The following MYO1D variants were observed in gnomAD, a reference collection of about 807,000 sequenced individuals.
MYO1D encodes the protein myosin ID.
In MYO1D, 83 loss-of-function variants were observed where a neutral mutation model predicts 122.0. The ratio of observed to expected loss-of-function variants is 0.68; its 90% CI spans 0.57 to 0.82. MYO1D has a LOEUF of 0.82. Ranked by LOEUF, MYO1D falls within the 40% of genes least tolerant of loss-of-function variation. The pLI is 0.00. For synonymous variants in MYO1D, 464 were observed against 446.9 expected, an observed-to-expected ratio of 1.04 and a Z score of -0.48; for missense variants, 1,157 against 1,269.5, an observed-to-expected ratio of 0.91 and a Z score of 1.35.
At chr17:32,714,984 C>A (rs749728632) in intron 15 of MYO1D, among the ~76,000 whole-genome samples, 21 of 151,764 alleles carry the variant, frequency 1.4e-4, no homozygotes, top group Non-Finnish European at 2.5e-4. Flanking sequence ...AATCAAACAA[C>A]CCCATTAAAA....
intron 1 of MYO1D, among the ~76,000 whole-genome samples, chr17:32,851,826 G>A (rs370294481): frequency 2.4e-4 from 37 of 152,244 alleles, no homozygotes; most frequent in African/African-American, 8.7e-4. Flanking sequence ...TCTGTCAGGA[G>A]GTGGAGCTCA....
Position 32,769,193 on chromosome 17 carries a change from C to T in MYO1D, c.715-1441G>A, listed in dbSNP as rs562520474. On this transcript the variant is annotated intron_variant, in intron 6 of 21. Coordinates refer to ENST00000318217, the MANE Select transcript of MYO1D (RefSeq NM_015194.3). ...GAGGAGGGTTCTTGGGGAGGTTTCC[C>T]TAGCTTATAAAGGACATATGCCATG... Among the ~76,000 whole-genome samples the T allele has an allele frequency of 6.6e-5, 10 of 151,738 alleles. No individual in the cohort carries two copies. In the South Asian group the frequency reaches 2.1e-3, roughly 31 times the overall value.
chr17:32,738,529 C>T (rs1442352552), intron 13 of MYO1D, 144 bp from the exon 14 acceptor site: 3 of 847,390 alleles, frequency 3.5e-6, no homozygotes, highest in Non-Finnish European at 5.0e-6. Flanking sequence ...ATGATGATTC[C>T]ATCCAGAAAA....
intron 16 of MYO1D, among the ~76,000 whole-genome samples, chr17:32,701,039 C>G (rs1436717606): frequency 1.3e-5 from 2 of 150,204 alleles, no homozygotes; most frequent in African/African-American, 4.9e-5. Flanking sequence ...TTAACTAAAG[C>G]TGATAAAGAA....
intron 3 of MYO1D, among the ~76,000 whole-genome samples, chr17:32,776,969 G>A (rs1156953764): frequency 6.6e-6 from 1 of 152,084 alleles, no homozygotes; most frequent in Non-Finnish European, 1.5e-5. Context: ...CGCTAATACT[G>A]GAGAGTTCAA....
At chr17:32,678,254 C>CT (rs67248492) in intron 16 of MYO1D, among the ~76,000 whole-genome samples, 94,480 of 149,118 alleles carry the variant, frequency 0.63, 30,459 homozygotes, top group Middle Eastern at 0.75. Flanking sequence ...AAATATATTT[C>CT]TTTTTTTTTT....
chr17:32,617,680 AT>A (rs2087791607), intron 20 of MYO1D, among the ~76,000 whole-genome samples: 1 of 152,150 alleles, frequency 6.6e-6, no homozygotes, highest in South Asian at 2.1e-4. Flanking sequence ...GCCTCAGGTG[AT>A]CCACCCGCTT....
In MYO1D at chr17:32,819,649, A is replaced by G. The variant is rs373258631; in HGVS notation, c.96-38865T>C. Among the ~76,000 whole-genome samples, 185 of 152,188 alleles carry G rather than the reference A, an allele frequency of 1.2e-3. 2 individuals carry two copies. Among genetic ancestry groups the G allele is most frequent in the African/African-American group, 4.1e-3 (172 of 41,518 alleles). ...AAAAACCACTGTTCTATCTCATGAC[A>G]CTCTACCTTTAGTTTCTACTAGTAA... On this transcript the variant is annotated intron_variant, in intron 1 of 21. Coordinates refer to ENST00000318217, the MANE Select transcript of MYO1D (RefSeq NM_015194.3).
At chr17:32,821,541 TACAC>T (rs34745639) in intron 1 of MYO1D, among the ~76,000 whole-genome samples, 11 of 131,090 alleles carry the variant, frequency 8.4e-5, no homozygotes, top group Admixed American at 4.7e-4. Context: ...AAATCACACA[TACAC>T]ACACACACAC....
At chr17:32,628,513 GA>G (rs1410925222) in intron 20 of MYO1D, among the ~76,000 whole-genome samples, 1 of 152,126 alleles carries the variant, frequency 6.6e-6, no homozygotes, top group African/African-American at 2.4e-5. Flanking sequence ...GGAAGAGGGG[GA>G]AAAAGTGCCA....
intron 21 of MYO1D, among the ~76,000 whole-genome samples, chr17:32,580,485 C>T (rs1169698157): frequency 6.8e-6 from 1 of 147,724 alleles, no homozygotes; most frequent in Non-Finnish European, 1.5e-5. Context: ...TCTCAGCTCA[C>T]TGCAACCTCT....
At chr17:32,751,143 T>G (rs921777386) in intron 11 of MYO1D, among the ~76,000 whole-genome samples, 1 of 151,970 alleles carries the variant, frequency 6.6e-6, no homozygotes, top group Non-Finnish European at 1.5e-5. Flanking sequence ...AAATAATAAT[T>G]TTATGCTTTA....
At chr17:32,860,923 A>G (rs1321053421) in intron 1 of MYO1D, among the ~76,000 whole-genome samples, 1 of 152,168 alleles carries the variant, frequency 6.6e-6, no homozygotes, top group Non-Finnish European at 1.5e-5. Flanking sequence ...AGAAAAGTAA[A>G]TCCCCTCAAA....
At chr17:32,714,797 G>T (rs1222090668) in intron 15 of MYO1D, among the ~76,000 whole-genome samples, 2 of 151,996 alleles carry the variant, frequency 1.3e-5, no homozygotes, top group African/African-American at 2.4e-5. Context: ...AAAAGTAATT[G>T]CAAAAAAAGC....
chr17:32,696,207 C>T (rs1694563489), intron 16 of MYO1D, among the ~76,000 whole-genome samples: 1 of 151,184 alleles, frequency 6.6e-6, no homozygotes, highest in African/African-American at 2.4e-5. Context: ...AGAATATGTA[C>T]AAAAATGTTC....
chr17:32,615,488 G>GGA (rs559760607), intron 20 of MYO1D, among the ~76,000 whole-genome samples: 1 of 152,160 alleles, frequency 6.6e-6, no homozygotes, highest in Non-Finnish European at 1.5e-5. Flanking sequence ...AAATGTGAGA[G>GGA]GAGAGAGAGG....
intron 19 of MYO1D, among the ~76,000 whole-genome samples, chr17:32,648,254 G>A (rs963292679): frequency 2.6e-5 from 4 of 151,950 alleles, no homozygotes; most frequent in Admixed American, 1.3e-4. Flanking sequence ...CCTCTATCAC[G>A]TTGAGTTGAC....
At chr17:32,552,600 T>C (rs533776940) in intron 21 of MYO1D, among the ~76,000 whole-genome samples, 122 of 152,296 alleles carry the variant, frequency 8.0e-4, no homozygotes, top group African/African-American at 2.9e-3. Context: ...TTTGCTTCTG[T>C]AAATGTATAC....
intron 16 of MYO1D, among the ~76,000 whole-genome samples, chr17:32,669,409 G>C (rs1180626551): frequency 2.0e-5 from 3 of 152,108 alleles, no homozygotes; most frequent in Admixed American, 6.5e-5. Context: ...ACTGGCCCTA[G>C]AATCCCAGAT....
Sources: gnomAD v4.1 joint callset for allele counts (sites outside exome capture counted in the v4.1 genomes callset) on GRCh38, gnomAD v4.1.1 for gene constraint, MANE v1.5 for transcripts, NCBI Gene and HGNC (gene_info 2026-07-23, HGNC 2026-07-21) for gene names.